The following IBA57 variants were observed in gnomAD, a reference collection of about 807,000 sequenced individuals.
The protein encoded by IBA57 is iron-sulfur cluster assembly factor IBA57, mitochondrial.
A neutral mutation model predicts 20.4 loss-of-function variants in IBA57; 20 were observed. The ratio of observed to expected loss-of-function variants is 0.98; its 90% confidence interval spans 0.69 to 1.42. The LOEUF is 1.42. IBA57 is among the 40% of genes most tolerant of loss of function. IBA57 has a pLI of 0.00. For missense variants in IBA57, 608 were observed against 499.3 expected (o/e 1.22, Z -2.07); for synonymous variants, 310 against 233.9 (o/e 1.33, Z -2.97).
intron 1 of IBA57, 63 bp from the exon 2 acceptor site, chr1:228,174,629 T>C: frequency 1.4e-6 from 2 of 1,422,120 alleles, no homozygotes; most frequent in Non-Finnish European, 1.9e-6. Context: ...CGCTCCCTCA[T>C]GCAGCCCTTT....
In IBA57 at chr1:228,175,174, G is replaced by A; in HGVS notation, c.732G>A (p.Glu244=). Reference sequence around the variant, plus strand: ...CTCCTGGGGTGGCCCTGCCCCTGGAGTCCAACCTGGCCTTCATGAACGGCG... The same window carrying A: ...CTCCTGGGGTGGCCCTGCCCCTGGAATCCAACCTGGCCTTCATGAACGGCG... The part of the protein sequence containing the change: ...DLPPGVALPL[E]SNLAFMNGVS... The change falls in exon 3 of 3, where the codon GAG becomes GAA. Residue 244 remains glutamate, a synonymous_variant. Coordinates refer to ENST00000366711, the MANE Select transcript of IBA57 (RefSeq NM_001010867.4). 6.2e-7 allele frequency: 1 copy of A among 1,612,916 alleles called. No individual in the cohort carries two copies. The highest frequency in any genetic ancestry group is 8.5e-7 in the Non-Finnish European group (1 of 1,179,960).
intron 1 of IBA57, among the ~76,000 whole-genome samples, chr1:228,166,701 T>C (rs2034858432): frequency 6.6e-6 from 1 of 152,212 alleles, no homozygotes; most frequent in South Asian, 2.1e-4. Context: ...GGCTCAGTCA[T>C]CTGTGCTGAC....
intron 1 of IBA57, among the ~76,000 whole-genome samples, chr1:228,169,825 G>T (rs1174375643): frequency 6.6e-6 from 1 of 152,106 alleles, no homozygotes; most frequent in Non-Finnish European, 1.5e-5. Context: ...TTCACTTAGT[G>T]ATATGCGTTT....
Position 228,175,452 on chromosome 1 carries a change from A to G in IBA57, c.1010A>G (p.Glu337Gly), listed in dbSNP as rs1453469411. Reference protein sequence around the residue: ...IKGPLHIRASEGAQVALAASV... With the variant: ...IKGPLHIRASGGAQVALAASV... Reference sequence around the variant, plus strand: ...GGTCCTCTGCACATCAGAGCCTCTGAGGGTGCCCAGGTGGCCTTAGCCGCA... The same window carrying G: ...GGTCCTCTGCACATCAGAGCCTCTGGGGGTGCCCAGGTGGCCTTAGCCGCA... The change falls in exon 3 of 3, where the codon GAG (glutamate) becomes GGG (glycine). Residue 337 changes from glutamate (E) to glycine (G), a missense_variant. Glu to Gly is a moderately conservative substitution (Grantham distance 98). Coordinates refer to ENST00000366711, the MANE Select transcript of IBA57 (RefSeq NM_001010867.4). 1 of 1,606,676 alleles carries G rather than the reference A, an allele frequency of 6.2e-7. No individual in the cohort carries two copies. The highest frequency in any genetic ancestry group is 2.2e-5 in the East Asian group (1 of 44,764).
intron 1 of IBA57, 115 bp downstream of exon 1, chr1:228,166,272 C>G (rs1164416008): frequency 9.0e-6 from 6 of 663,106 alleles, no homozygotes; most frequent in South Asian, 5.4e-5. Flanking sequence ...GGGGTGGGCA[C>G]CCGGGGAGGG....
chr1:228,168,120 C>T (rs1007457081), intron 1 of IBA57, among the ~76,000 whole-genome samples: 2 of 152,168 alleles, frequency 1.3e-5, no homozygotes, highest in African/African-American at 2.4e-5. Context: ...CACCCTGAGA[C>T]GGCAAGACCA....
In IBA57 at chr1:228,175,608, C is replaced by T; in HGVS notation, c.*95C>T. On this transcript the variant is annotated 3_prime_UTR_variant, in exon 3 of 3. Coordinates refer to ENST00000366711, the MANE Select transcript of IBA57 (RefSeq NM_001010867.4). ...CTTCCCGTCCCATCTGTCTGCTGCGCCTACTGGGTGGGAGCCCTGGTTTCC... is the reference window on the plus strand; with the variant it reads ...CTTCCCGTCCCATCTGTCTGCTGCGTCTACTGGGTGGGAGCCCTGGTTTCC... The T allele has an allele frequency of 7.0e-7, 1 of 1,425,386 alleles. No homozygotes were observed. The highest frequency in any genetic ancestry group is 9.3e-7 in the Non-Finnish European group (1 of 1,075,322). The allele number at this position is 1,425,386 out of a possible 1,614,324, so 88.3% of individuals were successfully genotyped here. A position where few individuals can be genotyped will look rare whatever the true frequency, so the allele number is the denominator to read the frequency against.
intron 1 of IBA57, among the ~76,000 whole-genome samples, chr1:228,168,474 T>G (rs1486973565): frequency 6.6e-6 from 1 of 152,142 alleles, no homozygotes; most frequent in Admixed American, 6.5e-5. Context: ...CAGCTGTCTG[T>G]CCTTTCTGTG....
At position 228,179,053 on chromosome 1, in the gene IBA57, T is replaced by A. The variant is rs2035069807; in HGVS notation, c.*3540T>A. 1 of 151,012 alleles carries A rather than the reference T, an allele frequency of 6.6e-6. No homozygotes were observed. Among genetic ancestry groups the A allele is most frequent in the Non-Finnish European group, 1.5e-5 (1 of 67,850 alleles). The allele number at this position is 151,012 out of a possible 1,614,324, so 9.4% of individuals were successfully genotyped here. A position where few individuals can be genotyped will look rare whatever the true frequency, so the allele number is the denominator to read the frequency against. ...TGGGCCCTTATCTGTAAGGACTGGC[T>A]GGCCTGGGAGGGGCAGTCTCCCAGC... is the stretch of plus-strand genomic sequence containing the variant. On this transcript the variant is annotated 3_prime_UTR_variant, in exon 3 of 3. Coordinates refer to ENST00000366711, the MANE Select transcript of IBA57 (RefSeq NM_001010867.4).
At chr1:228,167,516 C>A (rs1161659225) in intron 1 of IBA57, among the ~76,000 whole-genome samples, 1 of 152,120 alleles carries the variant, frequency 6.6e-6, no homozygotes, top group Non-Finnish European at 1.5e-5. Flanking sequence ...GCCACCATGC[C>A]CGGCTAATTT....
Position 228,175,914 on chromosome 1 carries a change from G to A in IBA57, c.*401G>A, listed in dbSNP as rs187699240. 14 of 177,396 alleles carry A rather than the reference G, an allele frequency of 7.9e-5. No homozygotes were observed. Among genetic ancestry groups the A allele is most frequent in the African/African-American group, 1.7e-4 (7 of 42,220 alleles). The allele number at this position is 177,396 out of a possible 1,614,324, so 11.0% of individuals were successfully genotyped here. ...GGGGTTGGTCCCTGTGCCTGGAAGC[G>A]GGGTGGTGTCCAGGGTCTGCAGGCT... On this transcript the variant is annotated 3_prime_UTR_variant, in exon 3 of 3. Transcript: ENST00000366711.
chr1:228,177,994 A>G lies in IBA57; in HGVS notation c.*2481A>G, dbSNP rs1189632074. The G allele has an allele frequency of 6.6e-6, 1 of 152,034 alleles. No individual in the cohort carries two copies. Among genetic ancestry groups the G allele is most frequent in the African/African-American group, 2.4e-5 (1 of 41,252 alleles). The allele number at this position is 152,034 out of a possible 1,614,324, so 9.4% of individuals were successfully genotyped here. On this transcript the variant is annotated 3_prime_UTR_variant, in exon 3 of 3. Transcript: ENST00000366711. ...GTCTGCTTTAGTTTGTGTTGTAAAA[A>G]CATAGGAAGTTCGTGTGTGTGTGTG... is the stretch of plus-strand genomic sequence containing the variant.
rs1358559884 is a variant in IBA57 at position 228,170,672 on chromosome 1, A to C, written c.342-4020A>C. On this transcript the variant is annotated intron_variant, in intron 1 of 2. Coordinates refer to ENST00000366711, the MANE Select transcript of IBA57 (RefSeq NM_001010867.4). The surrounding 1 kb of genome is among the most constrained non-coding windows in gnomAD (Gnocchi z 4.8). Reference sequence around the variant, plus strand: ...GAGAGAGGCTGTAGGGTCATGTTGCAGGTAGGATTGTGGTCCAGTGGCCTT... The same window carrying C: ...GAGAGAGGCTGTAGGGTCATGTTGCCGGTAGGATTGTGGTCCAGTGGCCTT... 6.6e-6 allele frequency among the ~76,000 whole-genome samples: 1 copy of C among 152,156 alleles called. No individual in the cohort carries two copies. The highest frequency in any genetic ancestry group is 2.4e-5 in the African/African-American group (1 of 41,438).
At chr1:228,173,413 C>CATGCCCCA (rs2034954374) in intron 1 of IBA57, 1 of 121,070 alleles carries the variant, frequency 8.3e-6, no homozygotes, top group African/African-American at 3.0e-5. Context: ...CCCCCCCCGA[C>CATGCCCCA]ATGCCCCACG....
chr1:228,172,479 C>T (rs1437345736), intron 1 of IBA57: 2 of 152,246 alleles, frequency 1.3e-5, no homozygotes, highest in Non-Finnish European at 2.9e-5. Context: ...CCATAGTGCC[C>T]TCAGATCCAC....
rs1045709413 is a variant in IBA57 at position 228,170,997 on chromosome 1, C to G, written c.342-3695C>G. ...TCCTCTTCCTGCACCCTTGCTCCCACCGGGGCTTCTGGGCTCAGCAAACAA... is the reference window on the plus strand; with the variant it reads ...TCCTCTTCCTGCACCCTTGCTCCCAGCGGGGCTTCTGGGCTCAGCAAACAA... On this transcript the variant is annotated intron_variant, in intron 1 of 2. Coordinates refer to ENST00000366711, the MANE Select transcript of IBA57 (RefSeq NM_001010867.4). The surrounding 1 kb of genome is among the most constrained non-coding windows in gnomAD (Gnocchi z 4.8). 2.0e-5 allele frequency among the ~76,000 whole-genome samples: 3 copies of G among 152,196 alleles called. No homozygotes were observed. Among genetic ancestry groups the G allele is most frequent in the East Asian group, 1.9e-4 (1 of 5,190 alleles).
In IBA57 at chr1:228,165,920, C is replaced by G; in HGVS notation, c.104C>G (p.Ser35Cys). ...AAPRCRLAHSSCSPGGDPTAG... is the reference protein window; with the variant it reads ...AAPRCRLAHSCCSPGGDPTAG... ...CCAAGGTGCCGCCTGGCCCACAGCT[C>G]CTGCAGTCCTGGTGGCGACCCAACG... Residue 35 changes from serine to cysteine, a missense_variant, in exon 1 of 3, where the codon TCC becomes TGC. Ser to Cys is a moderately radical substitution (Grantham distance 112, BLOSUM62 -1). Transcript: ENST00000366711. 1 of 1,482,040 alleles carries G rather than the reference C, an allele frequency of 6.7e-7. No homozygotes were observed. The highest frequency in any genetic ancestry group is 8.9e-7 in the Non-Finnish European group (1 of 1,122,272). The allele number at this position is 1,482,040 out of a possible 1,614,324, so 91.8% of individuals were successfully genotyped here. A position where few individuals can be genotyped will look rare whatever the true frequency, so the allele number is the denominator to read the frequency against.
At chr1:228,168,888 C>G (rs775745387) in intron 1 of IBA57, among the ~76,000 whole-genome samples, 1 of 152,110 alleles carries the variant, frequency 6.6e-6, no homozygotes, top group African/African-American at 2.4e-5. Context: ...ACTTGAAACC[C>G]TCTAGCTTCA....
In IBA57 at chr1:228,179,494, A is replaced by G. The variant is rs1231005542; in HGVS notation, c.*3981A>G. The G allele has an allele frequency of 6.6e-6, 1 of 152,244 alleles. No homozygotes were observed. The highest frequency in any genetic ancestry group is 1.5e-5 in the Non-Finnish European group (1 of 68,050). The allele number at this position is 152,244 out of a possible 1,614,324, so 9.4% of individuals were successfully genotyped here. A position where few individuals can be genotyped will look rare whatever the true frequency, so the allele number is the denominator to read the frequency against. On this transcript the variant is annotated 3_prime_UTR_variant, in exon 3 of 3. Coordinates refer to ENST00000366711, the MANE Select transcript of IBA57 (RefSeq NM_001010867.4). The stretch of plus-strand genomic sequence containing the variant: ...ACAAGAAGATGGAGAGTTTAGTATG[A>G]CATCCGCAATTTACGAGTAATTCCA...
Sources: allele counts gnomAD v4.1 joint callset (sites outside exome capture counted in the v4.1 genomes callset), GRCh38; gene constraint gnomAD v4.1.1; non-coding constraint Gnocchi (gnomAD v3.1); transcripts MANE v1.5; gene names NCBI Gene and HGNC (gene_info 2026-07-23, HGNC 2026-07-21).